Variants in PARP8 observed in about 807,000 individuals in gnomAD.
PARP8 encodes the protein poly(ADP-ribose) polymerase family member 8, also known as protein mono-ADP-ribosyltransferase PARP8.
A neutral mutation model predicts 124.1 loss-of-function variants in PARP8; 51 were observed. The ratio of observed to expected loss-of-function variants is 0.41; its 90% confidence interval spans 0.33 to 0.52. The LOEUF (loss-of-function observed/expected upper bound fraction) is 0.52, where lower values mean the gene tolerates loss of function less well. PARP8 is among the 20% of genes least tolerant of loss of function. The probability of loss-of-function intolerance (pLI) is 0.21; values close to 1 mark genes in which losing one functional copy is unlikely to be tolerated. For missense variants in PARP8, 860 were observed against 1,018.9 expected, an observed-to-expected ratio of 0.84 and a Z score of 2.12; for synonymous variants, 391 against 361.5, an observed-to-expected ratio of 1.08 and a Z score of -0.93.
intron 17 of PARP8, among the ~76,000 whole-genome samples, chr5:50,823,826 G>T (rs1746040002): frequency 1.3e-5 from 2 of 152,224 alleles, no homozygotes; most frequent in Admixed American, 6.5e-5. Flanking sequence ...AGGAAGTTAA[G>T]AAGCCAAAAT....
chr5:50,754,292 C>A (rs1480536887), intron 3 of PARP8, among the ~76,000 whole-genome samples: 1 of 151,206 alleles, frequency 6.6e-6, no homozygotes, highest in African/African-American at 2.4e-5. Context: ...ATTAACTCAT[C>A]ATTTACATTA....
chr5:50,779,771 T>A (rs1740458465), intron 9 of PARP8, among the ~76,000 whole-genome samples: 1 of 152,224 alleles, frequency 6.6e-6, no homozygotes. Flanking sequence ...CCTTTAGGCA[T>A]ATCAGGGAAT....
chr5:50,752,859 C>G (rs1759410890), intron 3 of PARP8, among the ~76,000 whole-genome samples: 1 of 152,010 alleles, frequency 6.6e-6, no homozygotes, highest in Non-Finnish European at 1.5e-5. Flanking sequence ...CCTCCAAAGT[C>G]AAGATTACAT....
chr5:50,816,822 C>G (rs993967925), intron 15 of PARP8, among the ~76,000 whole-genome samples: 10 of 151,990 alleles, frequency 6.6e-5, no homozygotes, highest in African/African-American at 2.4e-4. Flanking sequence ...CTATGGAGAG[C>G]CTTTTTCTTT....
chr5:50,778,229 T>C, intron 8 of PARP8, 100 bp downstream of exon 8: 1 of 875,152 alleles, frequency 1.1e-6, no homozygotes, highest in Non-Finnish European at 1.8e-6. Flanking sequence ...ATAATACTAT[T>C]AGTTACATAT....
intron 2 of PARP8, among the ~76,000 whole-genome samples, chr5:50,746,110 C>G (rs139861387): frequency 7.9e-4 from 121 of 152,290 alleles, no homozygotes; most frequent in African/African-American, 2.9e-3. Flanking sequence ...TTTCTTCAAT[C>G]TATCCTAAAT....
intron 2 of PARP8, among the ~76,000 whole-genome samples, chr5:50,683,538 T>C (rs1295869928): frequency 1.3e-5 from 2 of 152,208 alleles, no homozygotes; most frequent in African/African-American, 4.8e-5. Context: ...CATTATAATA[T>C]GAGTAATTGT....
At chr5:50,752,909 A>G (rs1186658954) in intron 3 of PARP8, among the ~76,000 whole-genome samples, 1 of 152,062 alleles carries the variant, frequency 6.6e-6, no homozygotes, top group Non-Finnish European at 1.5e-5. Flanking sequence ...TTGTCCTTTT[A>G]TAATTGTGAT....
At position 50,684,199 on chromosome 5, in the gene PARP8, G is replaced by A. The variant is rs183365139; in HGVS notation, c.146+16074G>A. 2.0e-3 allele frequency among the ~76,000 whole-genome samples: 304 copies of A among 152,186 alleles called. 1 individual carries two copies. The highest frequency in any genetic ancestry group is 6.7e-3 in the African/African-American group (278 of 41,518). On this transcript the variant is annotated intron_variant, in intron 2 of 25. Transcript: ENST00000281631. ...TCATATTGTATGTCTGATTCTCTTTGGGTTTGAAAAGAAATAAAGACTCGA... is the reference window on the plus strand; with the variant it reads ...TCATATTGTATGTCTGATTCTCTTTAGGTTTGAAAAGAAATAAAGACTCGA...
At chr5:50,667,808 T>C in intron 1 of PARP8, 1 of 1,040,354 alleles carries the variant, frequency 9.6e-7, no homozygotes, top group Non-Finnish European at 1.4e-6. Context: ...CGGCTGAGGC[T>C]GCTTCCGGCC....
chr5:50,742,079 G>A (rs1280078452), intron 2 of PARP8: 1 of 245,284 alleles, frequency 4.1e-6, no homozygotes, highest in Non-Finnish European at 8.2e-6. Context: ...CAAAGTACCG[G>A]GATTACAGGC....
intron 9 of PARP8, among the ~76,000 whole-genome samples, chr5:50,783,014 A>G (rs1190195837): frequency 1.3e-5 from 2 of 152,184 alleles, no homozygotes; most frequent in African/African-American, 4.8e-5. Context: ...TACAGGTTCT[A>G]GAACCATGTC....
chr5:50,788,187 ATATAT>A (rs1407713348), intron 9 of PARP8, among the ~76,000 whole-genome samples: 2 of 144,436 alleles, frequency 1.4e-5, no homozygotes, highest in African/African-American at 5.0e-5. Flanking sequence ...TTAATATATA[ATATAT>A]TAATGTATAA....
chr5:50,830,023 T>A (rs900590624), intron 22 of PARP8, 62 bp downstream of exon 22: 13 of 1,557,738 alleles, frequency 8.3e-6, no homozygotes, highest in Non-Finnish European at 1.0e-5. Context: ...TTATTGTTTA[T>A]ACTCTATTCA....
In PARP8 at chr5:50,842,907, A is replaced by G. The variant is rs1315445255; in HGVS notation, c.*839A>G. On this transcript the variant is annotated 3_prime_UTR_variant, in exon 26 of 26. Coordinates refer to ENST00000281631, the MANE Select transcript of PARP8 (RefSeq NM_024615.4). ...AAAAGTCATAATTTGGGGAACATACATGGCCTGGTAGACCGAATCTATATT... is the reference window on the plus strand; with the variant it reads ...AAAAGTCATAATTTGGGGAACATACGTGGCCTGGTAGACCGAATCTATATT... 1.3e-5 allele frequency: 2 copies of G among 151,750 alleles called. No individual in the cohort carries two copies. The highest frequency in any genetic ancestry group is 2.4e-5 in the African/African-American group (1 of 41,400). 9.4% of individuals were successfully genotyped at this position (151,750 alleles called of 1,614,324 possible). A position where few individuals can be genotyped will look rare whatever the true frequency, so the allele number is the denominator to read the frequency against.
intron 2 of PARP8, among the ~76,000 whole-genome samples, chr5:50,709,752 A>G (rs1229532875): frequency 1.3e-5 from 2 of 151,642 alleles, no homozygotes; most frequent in South Asian, 2.1e-4. Context: ...TGTTGCAAAA[A>G]TATAAAAAGG....
chr5:50,712,822 G>T (rs564125258), intron 2 of PARP8, among the ~76,000 whole-genome samples: 1 of 151,878 alleles, frequency 6.6e-6, no homozygotes, highest in Non-Finnish European at 1.5e-5. Flanking sequence ...TTTAAAACAG[G>T]AAAGAAGGAG....
chr5:50,742,835 G>T (rs1186411230), intron 2 of PARP8, among the ~76,000 whole-genome samples: 1 of 152,148 alleles, frequency 6.6e-6, no homozygotes, highest in African/African-American at 2.4e-5. Context: ...GTTTGGAGCT[G>T]GTAGGATCAG....
At chr5:50,833,626 T>C (rs1435846610) in intron 23 of PARP8, among the ~76,000 whole-genome samples, 1 of 152,076 alleles carries the variant, frequency 6.6e-6, no homozygotes, top group Non-Finnish European at 1.5e-5. Flanking sequence ...TCTGAAATAA[T>C]TGATTTTGAT....
Sources: gnomAD v4.1 joint callset for allele counts (sites outside exome capture counted in the v4.1 genomes callset) on GRCh38, gnomAD v4.1.1 for gene constraint, MANE v1.5 for transcripts, NCBI Gene and HGNC (gene_info 2026-07-23, HGNC 2026-07-21) for gene names.